WNT9B: variants seen among roughly 807,000 people sequenced by gnomAD.
WNT9B encodes the protein Wnt family member 9B.
Under a neutral mutation model 30.2 loss-of-function variants are expected in WNT9B, and 12 were observed. That is an observed-to-expected ratio of 0.40 (90% CI 0.26 to 0.64). WNT9B has a LOEUF of 0.64. Ranked by LOEUF, WNT9B falls within the 30% of genes least tolerant of loss-of-function variation. The pLI is 0.42. For synonymous variants in WNT9B, 218 were observed against 216.9 expected, an observed-to-expected ratio of 1.01 and a Z score of -0.05; for missense variants, 442 against 485.2, an observed-to-expected ratio of 0.91 and a Z score of 0.84.
chr17:46,838,180 C>A (rs1023367218), intron 1 of WNT9B, among the ~76,000 whole-genome samples: 13 of 152,116 alleles, frequency 8.5e-5, no homozygotes, highest in African/African-American at 3.1e-4. Context: ...CTCTCTGAGA[C>A]ATCTGGCTGA....
chr17:46,878,693 G>A lies in WNT9B; in HGVS notation c.*1975G>A, dbSNP rs2146617234. On this transcript the variant is annotated 3_prime_UTR_variant, in exon 4 of 4. Transcript: ENST00000290015. Reference sequence around the variant, plus strand: ...CTCAGTGCTGGGCGTAAGGCAGCAGGGACCTCACTGGCAGAGCAGGGGGCC... The same window carrying A: ...CTCAGTGCTGGGCGTAAGGCAGCAGAGACCTCACTGGCAGAGCAGGGGGCC... 6.6e-6 allele frequency among the ~76,000 whole-genome samples: 1 copy of A among 152,216 alleles called. No homozygotes were observed. Among genetic ancestry groups the A allele is most frequent in the East Asian group, 1.9e-4 (1 of 5,174 alleles).
At chr17:46,855,344 C>T (rs1193001571) in intron 1 of WNT9B, among the ~76,000 whole-genome samples, 1 of 152,230 alleles carries the variant, frequency 6.6e-6, no homozygotes, top group Non-Finnish European at 1.5e-5. Context: ...AGACGGGTTG[C>T]ACTGACCCCT....
intron 1 of WNT9B, among the ~76,000 whole-genome samples, chr17:46,837,430 T>C (rs1009893543): frequency 6.6e-6 from 1 of 152,106 alleles, no homozygotes; most frequent in Admixed American, 6.6e-5. Flanking sequence ...GGGACTGATG[T>C]TGGGGAATCA....
chr17:46,880,398 T>C lies in WNT9B; in HGVS notation c.*3680T>C, dbSNP rs867632623. Among the ~76,000 whole-genome samples, 1 of 152,220 alleles carries C rather than the reference T, an allele frequency of 6.6e-6. No homozygotes were observed. ...ACTTATTGAGCACCCCTTATGTCCA[T>C]TTATTCAACCAATGATTATTTAGGG... On this transcript the variant is annotated 3_prime_UTR_variant, in exon 4 of 4. Coordinates refer to ENST00000290015, the MANE Select transcript of WNT9B (RefSeq NM_003396.3).
rs907311053 is a variant in WNT9B, at chr17:46,867,037, G to C, written c.78-5480G>C. ...TCAAGATCAAGTTCTCACCTGCATGGTACCAGGAGTTCTGATCTGGGTCCC... is the reference window on the plus strand; with the variant it reads ...TCAAGATCAAGTTCTCACCTGCATGCTACCAGGAGTTCTGATCTGGGTCCC... On this transcript the variant is annotated intron_variant, in intron 1 of 3. Transcript: ENST00000290015. 3.3e-5 allele frequency among the ~76,000 whole-genome samples: 5 copies of C among 152,204 alleles called. No individual in the cohort carries two copies. In the East Asian group the frequency reaches 9.6e-4, roughly 29 times the overall value.
At chr17:46,874,537 C>A (rs1214056098) in intron 2 of WNT9B, among the ~76,000 whole-genome samples, 1 of 152,108 alleles carries the variant, frequency 6.6e-6, no homozygotes, top group Non-Finnish European at 1.5e-5. Flanking sequence ...GGAACATACT[C>A]CATAGTGAAT....
upstream of WNT9B, among the ~76,000 whole-genome samples, chr17:46,847,724 CCAGTG>C (rs1487623549): frequency 6.6e-6 from 1 of 152,156 alleles, no homozygotes; most frequent in Non-Finnish European, 1.5e-5. Context: ...GAGTTCATTT[CCAGTG>C]CAGTTTGAGG....
intron 1 of WNT9B, among the ~76,000 whole-genome samples, chr17:46,858,417 ATCTCTG>A (rs2084975878): frequency 6.6e-6 from 1 of 152,146 alleles, no homozygotes; most frequent in African/African-American, 2.4e-5. Context: ...TACCCAAGAA[ATCTCTG>A]CCTACCCAAA....
intron 2 of WNT9B, among the ~76,000 whole-genome samples, chr17:46,874,195 G>T (rs2146605751): frequency 6.6e-6 from 1 of 152,284 alleles, no homozygotes; most frequent in African/African-American, 2.4e-5. Flanking sequence ...GCAGAGAGGA[G>T]TGTCGGTGGT....
chr17:46,849,310 A>G (rs2084812066), upstream of WNT9B, among the ~76,000 whole-genome samples: 1 of 152,192 alleles, frequency 6.6e-6, no homozygotes, highest in South Asian at 2.1e-4. Context: ...CTTTCATGAA[A>G]TTTTGAAAAG....
chr17:46,861,785 G>A (rs1431593492), intron 1 of WNT9B, among the ~76,000 whole-genome samples: 1 of 152,210 alleles, frequency 6.6e-6, no homozygotes, highest in Non-Finnish European at 1.5e-5. Context: ...GCTGGTTTTA[G>A]GGCAAGACCA....
rs1040008228 is a variant in WNT9B, at chr17:46,875,249, G to A, written c.483G>A (p.Val161=). 3.7e-6 allele frequency: 6 copies of A among 1,614,212 alleles called. No homozygotes were observed. Among genetic ancestry groups the A allele is most frequent in the Middle Eastern group, 1.6e-4 (1 of 6,062 alleles). Residue 161 remains valine (V), a synonymous_variant, in exon 3 of 4, where the codon GTG becomes GTA. Coordinates refer to ENST00000290015, the MANE Select transcript of WNT9B (RefSeq NM_003396.3). ...GCCGGCAGGCCTGGCAGTGGGGCGT[G>A]TGCGGTGACAACCTCAAGTACAGCA... ...LESRQAWQWG[V]CGDNLKYSTK...
intron 1 of WNT9B, among the ~76,000 whole-genome samples, chr17:46,845,306 G>C (rs1281833787): frequency 6.6e-6 from 1 of 151,980 alleles, no homozygotes. Flanking sequence ...CGTGCCACCT[G>C]CCCAGCCATC....
In WNT9B at chr17:46,851,801, G is replaced by A. The variant is rs2084851659; in HGVS notation, c.77+86G>A. 4.5e-6 allele frequency: 3 copies of A among 672,408 alleles called. No homozygotes were observed. The highest frequency in any genetic ancestry group is 8.9e-5 in the Admixed American group (2 of 22,476). 41.7% of individuals were successfully genotyped at this position (672,408 alleles called of 1,614,324 possible). ...ACAGCTGGGCCAATTTTTCCCTCCCGCTGTCCTTGGCCCCGCCGAGGTCTC... is the reference window on the plus strand; with the variant it reads ...ACAGCTGGGCCAATTTTTCCCTCCCACTGTCCTTGGCCCCGCCGAGGTCTC... On this transcript the variant is annotated intron_variant, in intron 1 of 3. Coordinates refer to ENST00000290015, the MANE Select transcript of WNT9B (RefSeq NM_003396.3). The surrounding 1 kb of genome is among the most constrained non-coding windows in gnomAD (Gnocchi z 4.3).
At chr17:46,856,684 A>G (rs1045529553) in intron 1 of WNT9B, among the ~76,000 whole-genome samples, 3 of 151,798 alleles carry the variant, frequency 2.0e-5, no homozygotes, top group Non-Finnish European at 2.9e-5. Flanking sequence ...CGGTTTCACC[A>G]TGTTGGCCAA....
chr17:46,876,406 G>C lies in WNT9B; in HGVS notation c.762G>C (p.Glu254Asp). The change falls in exon 4 of 4, where the codon GAG becomes GAC. Residue 254 changes from glutamate (E) to aspartate (D), a missense_variant. Physicochemically the swap from Glu to Asp is conservative, Grantham distance 45. Transcript: ENST00000290015. Reference sequence around the variant, plus strand: ...TCAAGGTGTCCAGTGCCACCAATGAGGCCTTGGGCCGCCTAGAGCTGTGGG... The same window carrying C: ...TCAAGGTGTCCAGTGCCACCAATGACGCCTTGGGCCGCCTAGAGCTGTGGG... Reference protein sequence around the residue: ...SAVKVSSATNEALGRLELWAP... With the variant: ...SAVKVSSATNDALGRLELWAP... 6.2e-7 allele frequency: 1 copy of C among 1,613,874 alleles called. No individual in the cohort carries two copies. Among genetic ancestry groups the C allele is most frequent in the Middle Eastern group, 1.6e-4 (1 of 6,062 alleles).
At chr17:46,883,074 G>T (rs923496176), downstream of WNT9B, among the ~76,000 whole-genome samples, 4 of 151,886 alleles carry the variant, frequency 2.6e-5, no homozygotes, top group African/African-American at 9.7e-5. Flanking sequence ...CGCCTCCCAG[G>T]TTCATGCCAT....
chr17:46,834,338 C>T (rs988894792), intron 1 of WNT9B, among the ~76,000 whole-genome samples: 7 of 152,100 alleles, frequency 4.6e-5, no homozygotes, highest in African/African-American at 1.4e-4. Context: ...TGGGTCTGAT[C>T]GCAGGAGGGA....
exon 1 of WNT9B, chr17:46,833,221 G>A (rs998845770): frequency 9.8e-6 from 4 of 408,526 alleles, no homozygotes; most frequent in African/African-American, 6.1e-5. Flanking sequence ...GAAGCAGCAT[G>A]TGCGTGGAAG....
Sources: allele counts gnomAD v4.1 joint callset (sites outside exome capture counted in the v4.1 genomes callset), GRCh38; gene constraint gnomAD v4.1.1; non-coding constraint Gnocchi (gnomAD v3.1); transcripts MANE v1.5; gene names NCBI Gene and HGNC (gene_info 2026-07-23, HGNC 2026-07-21).